The following SDK1 variants were observed in gnomAD, a reference collection of about 807,000 sequenced individuals.
SDK1 encodes protein sidekick-1.
Under a neutral mutation model 245.5 loss-of-function variants are expected in SDK1, and 157 were observed. The ratio of observed to expected loss-of-function variants is 0.64; its 90% CI spans 0.56 to 0.73. The LOEUF is 0.73. Ranked by LOEUF, SDK1 falls within the 30% of genes least tolerant of loss-of-function variation. The pLI is 0.00. For synonymous variants in SDK1, 1,647 were observed against 1,278.5 expected (o/e 1.29, Z -6.15); for missense variants, 3,583 against 3,002.3 (o/e 1.19, Z -4.52).
chr7:3,950,937 C>G lies in SDK1; in HGVS notation c.862C>G (p.Pro288Ala), dbSNP rs543392497. Reference sequence around the variant, plus strand: ...CTCTGCCACAGGAGATGTTGGCACACCTGAAACCATGGCCCCAACCATTGT... The same window carrying G: ...CTCTGCCACAGGAGATGTTGGCACAGCTGAAACCATGGCCCCAACCATTGT... ...HLSIARDVGT[P>A]ETMAPTIVVP... is the part of the protein sequence containing the mutation. The change falls in exon 6 of 45, where the codon CCT becomes GCT. Residue 288 changes from proline (P) to alanine (A), a missense_variant. Transcript: ENST00000404826. 1.9e-5 allele frequency: 31 copies of G among 1,613,656 alleles called. No homozygotes were observed. In the Admixed American group the frequency reaches 5.2e-4, roughly 27 times the overall value.
At chr7:4,261,408 G>C (rs780051793) in intron 44 of SDK1, among the ~76,000 whole-genome samples, 99 of 147,740 alleles carry the variant, frequency 6.7e-4, no homozygotes, top group Admixed American at 1.5e-3. Flanking sequence ...CCCGCCTCCA[G>C]CTGCAAGGAC....
At chr7:3,960,594 C>A (rs533134128) in intron 8 of SDK1, among the ~76,000 whole-genome samples, 54 of 152,176 alleles carry the variant, frequency 3.5e-4, no homozygotes, top group Non-Finnish European at 6.3e-4. Flanking sequence ...CCCCTCCCGA[C>A]CCACCGTGCT....
Position 4,221,412 on chromosome 7 carries a change from G to C in SDK1, c.5827+48G>C, listed in dbSNP as rs531514351. 83 of 1,557,034 alleles carry C rather than the reference G, an allele frequency of 5.3e-5. No homozygotes were observed. The Middle Eastern group carries it at 5.5e-4, about 10-fold the overall frequency. Reference sequence around the variant, plus strand: ...CGGGGTCTCAGCCCAGCGGACGGCAGTGCTTCTAAGACTGTGTCGGGGGCT... The same window carrying C: ...CGGGGTCTCAGCCCAGCGGACGGCACTGCTTCTAAGACTGTGTCGGGGGCT... On this transcript the variant is annotated intron_variant, in intron 40 of 44. Transcript: ENST00000404826.
intron 4 of SDK1, among the ~76,000 whole-genome samples, chr7:3,791,674 C>T (rs921605684): frequency 1.3e-5 from 2 of 152,076 alleles, no homozygotes; most frequent in Admixed American, 6.5e-5. Flanking sequence ...GCCCACTCAG[C>T]GGAATCCAAT....
intron 2 of SDK1, among the ~76,000 whole-genome samples, chr7:3,627,631 A>G (rs1242207998): frequency 2.0e-5 from 3 of 152,212 alleles, no homozygotes; most frequent in African/African-American, 7.2e-5. Context: ...GGCATCTGGC[A>G]TTGGCAAAAG....
intron 1 of SDK1, among the ~76,000 whole-genome samples, chr7:3,478,822 G>C (rs532058914): frequency 2.0e-5 from 3 of 151,288 alleles, no homozygotes; most frequent in Admixed American, 1.3e-4. Flanking sequence ...TTTATCATTT[G>C]AACATTTAAA....
rs1047846064 is a variant in SDK1, at chr7:3,301,702, C to G, written c.116C>G (p.Ser39Trp). 4.1e-6 allele frequency: 4 copies of G among 973,710 alleles called. No homozygotes were observed. Among genetic ancestry groups the G allele is most frequent in the Non-Finnish European group, 3.6e-6 (3 of 823,674 alleles). 60.3% of individuals were successfully genotyped at this position (973,710 alleles called of 1,614,324 possible). ...TCCCCGCCCGGCCGCGCCCGCCCCTCGCTGGCGCCGCGCCCCGGCCCGGAG... is the reference window on the plus strand; with the variant it reads ...TCCCCGCCCGGCCGCGCCCGCCCCTGGCTGGCGCCGCGCCCCGGCCCGGAG... The part of the protein sequence containing the change: ...RGSPPGRARP[S>W]LAPRPGPEPS... Residue 39 changes from serine to tryptophan, a missense_variant, in exon 1 of 45, where the codon TCG (serine) becomes TGG (tryptophan). Transcript: ENST00000404826.
In SDK1 at chr7:3,967,308, C is replaced by G. The variant is rs117925134; in HGVS notation, c.1430-10C>G. The G allele has an allele frequency of 1.2e-6, 2 of 1,603,922 alleles. No homozygotes were observed. Among genetic ancestry groups the G allele is most frequent in the Admixed American group, 3.3e-5 (2 of 60,004 alleles). ...AAGGCCCTGATCATTTCATTTACTC[C>G]TCTTCTCAGATATCGCTCCAGTGTT... On this transcript the variant is annotated splice_polypyrimidine_tract_variant and intron_variant, in intron 9 of 44. Coordinates refer to ENST00000404826, the MANE Select transcript of SDK1 (RefSeq NM_152744.4).
intron 22 of SDK1, among the ~76,000 whole-genome samples, chr7:4,090,681 G>A (rs528608146): frequency 5.9e-5 from 9 of 152,198 alleles, no homozygotes; most frequent in African/African-American, 2.2e-4. Context: ...ATTTCTCCAG[G>A]GAACCTTGGG....
intron 7 of SDK1, 21 bp from the exon 8 acceptor site, chr7:3,958,910 T>C: frequency 3.7e-6 from 6 of 1,603,562 alleles, no homozygotes; most frequent in South Asian, 1.1e-5. Flanking sequence ...TAGGGGCTTT[T>C]TTTTATTTTC....
intron 14 of SDK1, among the ~76,000 whole-genome samples, chr7:4,006,382 G>A (rs1336658257): frequency 2.0e-5 from 3 of 152,178 alleles, no homozygotes; most frequent in Admixed American, 6.5e-5. Flanking sequence ...GGTATTAAAC[G>A]TTTATGGGAT....
chr7:4,070,774 A>G lies in SDK1; in HGVS notation c.3010+2838A>G, dbSNP rs549492928. Among the ~76,000 whole-genome samples, 5 of 151,784 alleles carry G rather than the reference A, an allele frequency of 3.3e-5. No homozygotes were observed. The South Asian group carries it at 6.2e-4, about 19-fold the overall frequency. On this transcript the variant is annotated intron_variant, in intron 20 of 44. Transcript: ENST00000404826. ...GCCCAGGATGGAGTACAGTGGCACA[A>G]TCTCAGCTCACTGCAACCTCTGCCT...
rs565155934 is a variant in SDK1 at position 4,172,834 on chromosome 7, C to G, written c.4801-1388C>G. Among the ~76,000 whole-genome samples the G allele has an allele frequency of 1.7e-3, 259 of 152,264 alleles. 1 individual carries two copies. Among genetic ancestry groups the G allele is most frequent in the Non-Finnish European group, 3.0e-3 (207 of 68,022 alleles). On this transcript the variant is annotated intron_variant, in intron 32 of 44. Coordinates refer to ENST00000404826, the MANE Select transcript of SDK1 (RefSeq NM_152744.4). ...CTGTCCCTGTCTTCATCGGGTGTTCCCCCTGTGTGTCCTGTGTCCAAACTT... is the reference window on the plus strand; with the variant it reads ...CTGTCCCTGTCTTCATCGGGTGTTCGCCCTGTGTGTCCTGTGTCCAAACTT...
chr7:3,763,995 C>G, intron 4 of SDK1, among the ~76,000 whole-genome samples: 1 of 152,202 alleles, frequency 6.6e-6, no homozygotes, highest in East Asian at 1.9e-4. Flanking sequence ...CAAAAGGAAA[C>G]CACAATTTTG....
chr7:4,100,986 G>A lies in SDK1; in HGVS notation c.3325-9677G>A, dbSNP rs538231729. On this transcript the variant is annotated intron_variant, in intron 22 of 44. Coordinates refer to ENST00000404826, the MANE Select transcript of SDK1 (RefSeq NM_152744.4). Reference sequence around the variant, plus strand: ...GGCTGAACCCTGCAGGGTGCGTGACGGGGGAAGGGAGGCCTATGCGGAGGT... The same window carrying A: ...GGCTGAACCCTGCAGGGTGCGTGACAGGGGAAGGGAGGCCTATGCGGAGGT... Among the ~76,000 whole-genome samples the A allele has an allele frequency of 1.4e-3, 213 of 152,242 alleles. 1 individual carries two copies. Among genetic ancestry groups the A allele is most frequent in the African/African-American group, 4.6e-3 (190 of 41,546 alleles).
At chr7:3,896,317 C>T (rs907263727) in intron 5 of SDK1, among the ~76,000 whole-genome samples, 2 of 152,174 alleles carry the variant, frequency 1.3e-5, no homozygotes, top group African/African-American at 2.4e-5. Context: ...AAATTCCACC[C>T]AGTGCCCTAT....
chr7:4,250,522 T>G (rs1341010670), intron 44 of SDK1, among the ~76,000 whole-genome samples: 3 of 152,122 alleles, frequency 2.0e-5, no homozygotes, highest in Non-Finnish European at 4.4e-5. Context: ...TTTTGGTATT[T>G]TTATTAGAGA....
intron 1 of SDK1, among the ~76,000 whole-genome samples, chr7:3,442,563 C>T (rs1477729654): frequency 6.6e-6 from 1 of 152,182 alleles, no homozygotes; most frequent in Non-Finnish European, 1.5e-5. Context: ...ATGAAGTCAA[C>T]CTGCCTGAGT....
chr7:3,739,560 ACTGTTGAGTCCCTC>A (rs1324510064), intron 4 of SDK1, among the ~76,000 whole-genome samples: 1 of 152,182 alleles, frequency 6.6e-6, no homozygotes, highest in Non-Finnish European at 1.5e-5. Context: ...ATTAAAATAT[ACTGTTGAGTCCCTC>A]CAGTGAATTT....
Sources: allele counts gnomAD v4.1 joint callset (sites outside exome capture counted in the v4.1 genomes callset), GRCh38; gene constraint gnomAD v4.1.1; transcripts MANE v1.5; gene names NCBI Gene and HGNC (gene_info 2026-07-23, HGNC 2026-07-21).